Variants in AGBL4 observed in about 807,000 individuals in gnomAD.
AGBL4 encodes the protein AGBL carboxypeptidase 4.
A neutral mutation model predicts 66.4 loss-of-function variants in AGBL4; 58 were observed. The observed-to-expected ratio is 0.87, with a 90% CI of 0.71 to 1.09. The LOEUF (loss-of-function observed/expected upper bound fraction) is 1.09. AGBL4 is among the 50% of genes least tolerant of loss of function. The pLI is 0.00. For missense variants in AGBL4, 579 were observed against 631.0 expected (o/e 0.92, Z 0.88); for synonymous variants, 234 against 222.9 (o/e 1.05, Z -0.44).
intron 3 of AGBL4, among the ~76,000 whole-genome samples, chr1:49,639,995 A>G (rs1465694501): frequency 6.6e-6 from 1 of 152,184 alleles, no homozygotes; most frequent in African/African-American, 2.4e-5. Flanking sequence ...AATGAAGTCC[A>G]TGAGGGAAAC....
intron 5 of AGBL4, among the ~76,000 whole-genome samples, chr1:48,955,244 C>G (rs140780190): frequency 6.6e-6 from 1 of 152,186 alleles, no homozygotes; most frequent in African/African-American, 2.4e-5. Flanking sequence ...ATCAAGGTGA[C>G]GCAGACATTT....
In AGBL4 at chr1:49,758,588, C is replaced by A. The variant is rs138336497; in HGVS notation, c.158-61151G>T. Among the ~76,000 whole-genome samples, 1,005 of 152,306 alleles carry A rather than the reference C, an allele frequency of 6.6e-3. 12 individuals carry two copies. The highest frequency in any genetic ancestry group is 0.023 in the African/African-American group (952 of 41,564). On this transcript the variant is annotated intron_variant, in intron 2 of 13. Transcript: ENST00000371839. ...ATTTGGGAGCTTTAAGATTTAATGA[C>A]TGCCCTGCTGGATTTCAGACTTGCA...
intron 1 of AGBL4, among the ~76,000 whole-genome samples, chr1:49,934,021 T>C (rs1210469921): frequency 6.6e-6 from 1 of 152,180 alleles, no homozygotes; most frequent in African/African-American, 2.4e-5. Context: ...ATTTATTTTA[T>C]TTTAGCTTTA....
At chr1:49,069,840 G>A (rs1246161454) in intron 4 of AGBL4, among the ~76,000 whole-genome samples, 1 of 151,812 alleles carries the variant, frequency 6.6e-6, no homozygotes, top group Admixed American at 6.6e-5. Flanking sequence ...CCATTTTCAC[G>A]ATATTGATTC....
chr1:48,663,308 T>A, intron 6 of AGBL4, 67 bp from the exon 7 acceptor site: 1 of 1,502,496 alleles, frequency 6.7e-7, no homozygotes, highest in East Asian at 2.3e-5. Flanking sequence ...GGTTGGTGTG[T>A]GGCAGGGAAC....
chr1:49,702,232 C>T (rs1357277174), intron 2 of AGBL4, among the ~76,000 whole-genome samples: 3 of 152,112 alleles, frequency 2.0e-5, no homozygotes, highest in Non-Finnish European at 4.4e-5. Flanking sequence ...GTGGCTCACA[C>T]CTGTAATCCC....
At chr1:49,128,888 T>C (rs901838178) in intron 4 of AGBL4, among the ~76,000 whole-genome samples, 1 of 151,874 alleles carries the variant, frequency 6.6e-6, no homozygotes, top group Non-Finnish European at 1.5e-5. Context: ...AAAAATTAAA[T>C]ATGTCTGATT....
At chr1:48,784,902 CAAAG>C (rs763792799) in intron 6 of AGBL4, among the ~76,000 whole-genome samples, 2 of 152,166 alleles carry the variant, frequency 1.3e-5, no homozygotes, top group Non-Finnish European at 2.9e-5. Context: ...AAAATTGTCA[CAAAG>C]AACCAACATT....
intron 6 of AGBL4, among the ~76,000 whole-genome samples, chr1:48,823,048 A>G (rs1051113405): frequency 2.6e-5 from 4 of 152,232 alleles, no homozygotes; most frequent in African/African-American, 9.7e-5. Flanking sequence ...TATTCGATAG[A>G]AAACATTCTT....
At chr1:49,444,467 A>C (rs951315165) in intron 3 of AGBL4, among the ~76,000 whole-genome samples, 2 of 152,096 alleles carry the variant, frequency 1.3e-5, no homozygotes, top group African/African-American at 4.8e-5. Flanking sequence ...TGTTGGGTGC[A>C]TATATATTTA....
intron 2 of AGBL4, among the ~76,000 whole-genome samples, chr1:49,840,800 C>G (rs1256740518): frequency 1.3e-5 from 2 of 152,088 alleles, no homozygotes; most frequent in South Asian, 2.1e-4. Flanking sequence ...ATCCAATATC[C>G]CTTCATGATA....
chr1:48,523,949 A>T, the AGBL4 span, among the ~76,000 whole-genome samples: 1 of 152,224 alleles, frequency 6.6e-6, no homozygotes, highest in Admixed American at 6.5e-5. Context: ...CAATGCTTGC[A>T]TTTGTGTATC....
intron 9 of AGBL4, among the ~76,000 whole-genome samples, chr1:48,617,412 A>T (rs1645337344): frequency 6.6e-6 from 1 of 152,136 alleles, no homozygotes; most frequent in Non-Finnish European, 1.5e-5. Context: ...CCTGCCCACA[A>T]ACCTCTAACA....
chr1:48,809,793 T>C (rs748513098), intron 6 of AGBL4, among the ~76,000 whole-genome samples: 6 of 152,172 alleles, frequency 3.9e-5, no homozygotes, highest in Non-Finnish European at 8.8e-5. Flanking sequence ...ATGCTTCTTT[T>C]GTGTATTTCT....
chr1:49,825,214 T>C (rs1311896895), intron 2 of AGBL4, among the ~76,000 whole-genome samples: 1 of 152,226 alleles, frequency 6.6e-6, no homozygotes, highest in Non-Finnish European at 1.5e-5. Context: ...TATGCCCTCT[T>C]CTGTGATGTA....
intron 2 of AGBL4, among the ~76,000 whole-genome samples, chr1:49,843,165 T>C (rs1274650892): frequency 6.6e-6 from 1 of 152,074 alleles, no homozygotes; most frequent in Non-Finnish European, 1.5e-5. Context: ...GTTGCTCTCT[T>C]GCCCAGGCTA....
intron 3 of AGBL4, among the ~76,000 whole-genome samples, chr1:49,308,027 T>C (rs543244487): frequency 3.9e-4 from 60 of 152,064 alleles, no homozygotes; most frequent in Non-Finnish European, 4.9e-4. Flanking sequence ...TGAGTTCTCA[T>C]GAGATCAGTT....
At chr1:49,546,791 C>G (rs1652525589) in intron 3 of AGBL4, among the ~76,000 whole-genome samples, 2 of 152,080 alleles carry the variant, frequency 1.3e-5, no homozygotes, top group African/African-American at 4.8e-5. Flanking sequence ...TGCTTATTAG[C>G]CATTTGTATA....
intron 11 of AGBL4, among the ~76,000 whole-genome samples, chr1:48,578,512 G>A: frequency 6.6e-6 from 1 of 152,146 alleles, no homozygotes; most frequent in Admixed American, 6.5e-5. Flanking sequence ...CAAGAACTGA[G>A]AAGTACCTAG....
Sources: gnomAD v4.1 joint callset for allele counts (sites outside exome capture counted in the v4.1 genomes callset) on GRCh38, gnomAD v4.1.1 for gene constraint, MANE v1.5 for transcripts, NCBI Gene and HGNC (gene_info 2026-07-23, HGNC 2026-07-21) for gene names.